The following EIPR1 variants were observed in gnomAD, a reference collection of about 807,000 sequenced individuals.
EIPR1 encodes EARP and GARP complex-interacting protein 1.
In EIPR1, 25 loss-of-function variants were observed where a neutral mutation model predicts 48.1. That is an observed-to-expected ratio of 0.52 (90% CI 0.38 to 0.73). The LOEUF is 0.73. EIPR1 is among the 30% of genes least tolerant of loss of function. EIPR1 has a pLI of 0.00. For synonymous variants in EIPR1, 204 were observed against 201.9 expected (o/e 1.01, Z -0.09); for missense variants, 415 against 506.2 (o/e 0.82, Z 1.73).
intron 3 of EIPR1, among the ~76,000 whole-genome samples, chr2:3,290,538 A>AT (rs1396261290): frequency 8.6e-5 from 13 of 152,046 alleles, no homozygotes; most frequent in African/African-American, 2.4e-4. Flanking sequence ...TTCTTTAGGG[A>AT]TTTTTCCTTA....
chr2:3,307,262 C>G (rs1328952590), intron 3 of EIPR1, among the ~76,000 whole-genome samples: 1 of 152,106 alleles, frequency 6.6e-6, no homozygotes, highest in Admixed American at 6.5e-5. Context: ...GTGCCCAGCC[C>G]AAATTCCAAT....
chr2:3,359,465 G>A (rs778735161), intron 1 of EIPR1, among the ~76,000 whole-genome samples: 4 of 152,098 alleles, frequency 2.6e-5, no homozygotes, highest in Non-Finnish European at 5.9e-5. Flanking sequence ...GAGTGAAGAG[G>A]TTGCAGTTTT....
intron 3 of EIPR1, among the ~76,000 whole-genome samples, chr2:3,266,396 G>A (rs1349658539): frequency 6.6e-6 from 1 of 152,246 alleles, no homozygotes; most frequent in Non-Finnish European, 1.5e-5. Flanking sequence ...GCCTCGGGGT[G>A]CACAACAGGA....
intron 1 of EIPR1, among the ~76,000 whole-genome samples, chr2:3,365,568 A>C (rs1178893722): frequency 1.3e-5 from 2 of 149,492 alleles, no homozygotes; most frequent in East Asian, 3.9e-4. Flanking sequence ...ACAATAGTGG[A>C]GGGAAGGTCA....
intron 4 of EIPR1, among the ~76,000 whole-genome samples, chr2:3,252,349 C>T (rs988816776): frequency 1.3e-5 from 2 of 152,106 alleles, no homozygotes; most frequent in South Asian, 2.1e-4. Flanking sequence ...TCAGCACTTT[C>T]GGAGGCTGAG....
intron 3 of EIPR1, among the ~76,000 whole-genome samples, chr2:3,299,208 C>T (rs1668687823): frequency 6.6e-6 from 1 of 152,238 alleles, no homozygotes; most frequent in African/African-American, 2.4e-5. Flanking sequence ...TGTCTCTCCA[C>T]AGGGCCTCCC....
chr2:3,189,584 G>T lies in EIPR1; in HGVS notation c.990-76C>A. 1 of 1,388,762 alleles carries T rather than the reference G, an allele frequency of 7.2e-7. No homozygotes were observed. 86.0% of individuals were successfully genotyped at this position (1,388,762 alleles called of 1,614,324 possible). A position where few individuals can be genotyped will look rare whatever the true frequency, so the allele number is the denominator to read the frequency against. ...CAGGAGAGGGGCAGGGAGGACGCGA[G>T]CGCTGACATCGGGAGACACGGGAGG... is the stretch of plus-strand genomic sequence containing the variant. On this transcript the variant is annotated intron_variant, in intron 8 of 8. Coordinates refer to ENST00000382125, the MANE Select transcript of EIPR1 (RefSeq NM_003310.5). This position sits in a 1 kb window ranked among gnomAD's most constrained non-coding sequence, Gnocchi z 4.6.
chr2:3,196,638 C>G (rs1308939897), intron 6 of EIPR1, among the ~76,000 whole-genome samples: 1 of 152,108 alleles, frequency 6.6e-6, no homozygotes, highest in African/African-American at 2.4e-5. Context: ...CCTGCTAATG[C>G]AGAGATATCA....
intron 7 of EIPR1, among the ~76,000 whole-genome samples, chr2:3,192,894 C>T (rs1162926033): frequency 6.6e-6 from 1 of 151,378 alleles, no homozygotes; most frequent in Non-Finnish European, 1.5e-5. Context: ...AATACTGTCC[C>T]AGAAGCAACA....
intron 3 of EIPR1, among the ~76,000 whole-genome samples, chr2:3,289,946 G>C (rs1668316601): frequency 6.6e-6 from 1 of 152,242 alleles, no homozygotes; most frequent in Non-Finnish European, 1.5e-5. Context: ...CGCAGTTCCA[G>C]CTGCCACGGT....
intron 1 of EIPR1, among the ~76,000 whole-genome samples, chr2:3,375,633 G>C (rs1659851145): frequency 6.6e-6 from 1 of 152,110 alleles, no homozygotes; most frequent in Non-Finnish European, 1.5e-5. Flanking sequence ...GTAGAACTTA[G>C]CAGGTAAGGG....
chr2:3,295,218 G>T (rs1668515628), intron 3 of EIPR1, among the ~76,000 whole-genome samples: 1 of 131,874 alleles, frequency 7.6e-6, no homozygotes, highest in Non-Finnish European at 1.6e-5. Flanking sequence ...CCTCCATCCA[G>T]CCCGTCCTCT....
At chr2:3,207,886 T>C (rs1052722033) in intron 5 of EIPR1, 1 of 152,348 alleles carries the variant, frequency 6.6e-6, no homozygotes. Context: ...ATTAAAACTA[T>C]GCAACTTGGT....
At chr2:3,275,089 T>C (rs1447993913) in intron 3 of EIPR1, among the ~76,000 whole-genome samples, 3 of 152,140 alleles carry the variant, frequency 2.0e-5, no homozygotes, top group African/African-American at 7.2e-5. Context: ...AGATCAGTAT[T>C]CACAATAACT....
intron 3 of EIPR1, among the ~76,000 whole-genome samples, chr2:3,310,390 A>C (rs1045971425): frequency 6.6e-6 from 1 of 151,800 alleles, no homozygotes; most frequent in African/African-American, 2.4e-5. Context: ...GCGGTGGCTC[A>C]CGCCTGTAAT....
At chr2:3,367,886 A>G (rs927257495) in intron 1 of EIPR1, among the ~76,000 whole-genome samples, 1 of 151,716 alleles carries the variant, frequency 6.6e-6, no homozygotes, top group African/African-American at 2.4e-5. Flanking sequence ...CTCTCTAAAA[A>G]TACAAAAAAT....
chr2:3,321,117 G>C (rs953455767), intron 3 of EIPR1, among the ~76,000 whole-genome samples: 1 of 152,148 alleles, frequency 6.6e-6, no homozygotes, highest in African/African-American at 2.4e-5. Flanking sequence ...GCAGCCTCCC[G>C]GCCCAGGGAG....
At chr2:3,268,684 G>A (rs918560380) in intron 3 of EIPR1, among the ~76,000 whole-genome samples, 12 of 152,254 alleles carry the variant, frequency 7.9e-5, no homozygotes, top group South Asian at 4.1e-4. Flanking sequence ...AGGACAGCGC[G>A]CGCAAGGGGC....
chr2:3,297,589 C>T (rs565556718), intron 3 of EIPR1, among the ~76,000 whole-genome samples: 2 of 152,356 alleles, frequency 1.3e-5, no homozygotes, highest in East Asian at 1.9e-4. Flanking sequence ...CAAGGGACGG[C>T]AAACTTTTTC....
Sources: allele counts gnomAD v4.1 joint callset (sites outside exome capture counted in the v4.1 genomes callset), GRCh38; gene constraint gnomAD v4.1.1; non-coding constraint Gnocchi (gnomAD v3.1); transcripts MANE v1.5; gene names NCBI Gene and HGNC (gene_info 2026-07-23, HGNC 2026-07-21).